The following NIM1K variants were observed in gnomAD, a reference collection of about 807,000 sequenced individuals.
NIM1K encodes the protein serine/threonine-protein kinase NIM1.
In NIM1K, 35 loss-of-function variants were observed where a neutral mutation model predicts 37.1. That is an observed-to-expected ratio of 0.94 (90% CI 0.72 to 1.25). NIM1K has a LOEUF of 1.25. NIM1K is among the 50% of genes most tolerant of loss of function. The pLI, the probability that NIM1K is intolerant of heterozygous loss-of-function variation, is 0.00. For missense variants in NIM1K, 564 were observed against 548.0 expected (o/e 1.03, Z -0.29); for synonymous variants, 234 against 206.6 (o/e 1.13, Z -1.14).
chr5:43,236,823 C>T (rs915527409), intron 1 of NIM1K, among the ~76,000 whole-genome samples: 3 of 152,152 alleles, frequency 2.0e-5, no homozygotes, highest in African/African-American at 7.2e-5. Flanking sequence ...CGCTCTGAGA[C>T]CAAGTAGGGG....
intron 1 of NIM1K, among the ~76,000 whole-genome samples, chr5:43,226,624 T>G (rs888304912): frequency 6.6e-6 from 1 of 152,200 alleles, no homozygotes; most frequent in Non-Finnish European, 1.5e-5. Context: ...TAGTTTTTCC[T>G]AAAGAGGAAC....
intron 1 of NIM1K, among the ~76,000 whole-genome samples, chr5:43,213,325 CTTTTCT>C (rs1752247629): frequency 1.8e-5 from 2 of 114,022 alleles, no homozygotes; most frequent in East Asian, 5.2e-4. Context: ...CTTTTCTTTT[CTTTTCT>C]TTTCTTTTCT....
chr5:43,219,548 C>T (rs1280884682), intron 1 of NIM1K, among the ~76,000 whole-genome samples: 1 of 151,890 alleles, frequency 6.6e-6, no homozygotes, highest in African/African-American at 2.4e-5. Context: ...TCCTGGGGAT[C>T]AAATTTCAAC....
chr5:43,263,976 G>C (rs1753078668), intron 2 of NIM1K, among the ~76,000 whole-genome samples: 1 of 152,196 alleles, frequency 6.6e-6, no homozygotes, highest in African/African-American at 2.4e-5. Context: ...TTGCACTGTG[G>C]TCTGAGAGAC....
intron 1 of NIM1K, among the ~76,000 whole-genome samples, chr5:43,239,529 C>T (rs981000220): frequency 2.7e-5 from 4 of 147,848 alleles, no homozygotes; most frequent in East Asian, 2.1e-4. Context: ...TGAGCCACCG[C>T]GCCTGCTTTT....
At chr5:43,256,046 CT>C (rs1752940821) in intron 2 of NIM1K, among the ~76,000 whole-genome samples, 1 of 151,928 alleles carries the variant, frequency 6.6e-6, no homozygotes, top group Non-Finnish European at 1.5e-5. Flanking sequence ...AGAAGTTTGG[CT>C]TTTCCTGGGA....
intron 1 of NIM1K, among the ~76,000 whole-genome samples, chr5:43,203,350 A>G (rs1476242415): frequency 6.6e-6 from 1 of 152,240 alleles, no homozygotes; most frequent in Non-Finnish European, 1.5e-5. Context: ...TGCAGTTGTT[A>G]ACGGACTGAA....
intron 1 of NIM1K, among the ~76,000 whole-genome samples, chr5:43,214,988 T>G (rs1752279711): frequency 6.6e-6 from 1 of 152,198 alleles, no homozygotes; most frequent in African/African-American, 2.4e-5. Context: ...ACCTTCTCCA[T>G]GCATACTTCT....
At chr5:43,206,867 G>C in intron 1 of NIM1K, 1 of 769,306 alleles carries the variant, frequency 1.3e-6, no homozygotes, top group Non-Finnish European at 2.4e-6. Context: ...GCACAAACAA[G>C]AACGGCAGCT....
At chr5:43,244,039 C>A (rs1414765013) in intron 1 of NIM1K, among the ~76,000 whole-genome samples, 1 of 152,222 alleles carries the variant, frequency 6.6e-6, no homozygotes, top group Non-Finnish European at 1.5e-5. Context: ...AGGAGCAGTA[C>A]TGGGCATCAA....
intron 2 of NIM1K, among the ~76,000 whole-genome samples, chr5:43,249,887 C>G (rs1187693838): frequency 7.7e-6 from 1 of 129,240 alleles, no homozygotes; most frequent in Non-Finnish European, 1.6e-5. Context: ...GAGTCTCGCT[C>G]TGTTGCCCAC....
At chr5:43,230,548 A>C (rs1358255684) in intron 1 of NIM1K, among the ~76,000 whole-genome samples, 3 of 152,258 alleles carry the variant, frequency 2.0e-5, no homozygotes, top group East Asian at 3.9e-4. Context: ...TCTGTTATAA[A>C]ATAGTGGTTT....
chr5:43,269,555 T>C (rs1753223370), intron 2 of NIM1K, among the ~76,000 whole-genome samples: 3 of 152,066 alleles, frequency 2.0e-5, no homozygotes, highest in African/African-American at 7.2e-5. Context: ...GGTACGATTC[T>C]CCTCATCATG....
intron 1 of NIM1K, among the ~76,000 whole-genome samples, chr5:43,206,536 A>G (rs1752114695): frequency 6.6e-6 from 1 of 151,808 alleles, no homozygotes; most frequent in Admixed American, 6.6e-5. Context: ...TTGGGGGAGA[A>G]AAAAAGAAAA....
At chr5:43,201,819 C>A (rs1243690429) in intron 1 of NIM1K, among the ~76,000 whole-genome samples, 3 of 151,680 alleles carry the variant, frequency 2.0e-5, no homozygotes, top group African/African-American at 7.3e-5. Flanking sequence ...ATTAGCTGGG[C>A]GTGGTGGCAC....
chr5:43,246,029 T>G lies in NIM1K; in HGVS notation c.254T>G (p.Phe85Cys). The G allele has an allele frequency of 1.2e-6, 2 of 1,613,828 alleles. No individual in the cohort carries two copies. Among genetic ancestry groups the G allele is most frequent in the Non-Finnish European group, 1.7e-6 (2 of 1,179,818 alleles). Residue 85 changes from phenylalanine (F) to cysteine (C), a missense_variant, in exon 2 of 4, where the codon TTC becomes TGC. By Grantham distance (205) the Phe-to-Cys change is radical. Coordinates refer to ENST00000326035, the MANE Select transcript of NIM1K (RefSeq NM_153361.4). ...CGAGGGGAAATCGGAAGTGGAAACT[T>G]CTCCCAAGTGAAGCTTGGGATTCAC... ...RIRGEIGSGN[F>C]SQVKLGIHSL...
chr5:43,253,793 G>A (rs1752902813), intron 2 of NIM1K, among the ~76,000 whole-genome samples: 2 of 151,990 alleles, frequency 1.3e-5, no homozygotes, highest in South Asian at 4.2e-4. Context: ...CTGAGTAGCT[G>A]GGATTACAGG....
At chr5:43,219,165 GAATTATTAAACCTCTTTCCTTTATA>G (rs1752348561) in intron 1 of NIM1K, among the ~76,000 whole-genome samples, 1 of 152,106 alleles carries the variant, frequency 6.6e-6, no homozygotes, top group Admixed American at 6.6e-5. Flanking sequence ...GTGGAACCAT[GAATTATTAAACCTCTTTCCTTTATA>G]AATTATTAAA....
At chr5:43,270,702 C>G (rs1212886114) in intron 2 of NIM1K, among the ~76,000 whole-genome samples, 1 of 152,192 alleles carries the variant, frequency 6.6e-6, no homozygotes, top group Non-Finnish European at 1.5e-5. Flanking sequence ...TTATGTCCAA[C>G]AGCATGGGTG....
Sources: gnomAD v4.1 joint callset for allele counts (sites outside exome capture counted in the v4.1 genomes callset) on GRCh38, gnomAD v4.1.1 for gene constraint, MANE v1.5 for transcripts, NCBI Gene and HGNC (gene_info 2026-07-23, HGNC 2026-07-21) for gene names.